Variants in CDH5 observed in about 807,000 individuals in gnomAD.
CDH5 encodes cadherin 5, also known as cadherin-5.
CDH5 carries 28 observed loss-of-function variants against 62.0 expected under a neutral mutation model. The observed-to-expected ratio is 0.45, with a 90% CI of 0.33 to 0.62. The LOEUF is 0.62. Ranked by LOEUF, CDH5 falls within the 20% of genes least tolerant of loss-of-function variation. The pLI is 0.02. For missense variants in CDH5, 940 were observed against 1,065.1 expected, an observed-to-expected ratio of 0.88 and a Z score of 1.63; for synonymous variants, 464 against 445.8, an observed-to-expected ratio of 1.04 and a Z score of -0.52.
Position 66,403,271 on chromosome 16 carries a change from C to G in CDH5, c.*102C>G, listed in dbSNP as rs1961331946. The G allele has an allele frequency of 5.8e-6, 6 of 1,038,960 alleles. No homozygotes were observed. In the South Asian group the frequency reaches 9.6e-5, roughly 17 times the overall value. The allele number at this position is 1,038,960 out of a possible 1,614,324, so 64.4% of individuals were successfully genotyped here. A position where few individuals can be genotyped will look rare whatever the true frequency, so the allele number is the denominator to read the frequency against. ...TCCAAAAATGGCAGTGACTCCCCAGCCCAGCACCCCTTCCTCGTGGGTCCC... is the reference window on the plus strand; with the variant it reads ...TCCAAAAATGGCAGTGACTCCCCAGGCCAGCACCCCTTCCTCGTGGGTCCC... On this transcript the variant is annotated 3_prime_UTR_variant, in exon 12 of 12. Coordinates refer to ENST00000341529, the MANE Select transcript of CDH5 (RefSeq NM_001795.5). This position sits in a 1 kb window ranked among gnomAD's most constrained non-coding sequence, Gnocchi z 4.3.
chr16:66,382,315 T>G (rs1245006918), intron 2 of CDH5, among the ~76,000 whole-genome samples: 1 of 152,100 alleles, frequency 6.6e-6, no homozygotes, highest in Non-Finnish European at 1.5e-5. Flanking sequence ...CTCCCAACAA[T>G]AACTGGGATC....
intron 1 of CDH5, chr16:66,376,727 T>A (rs1960794236): frequency 6.6e-6 from 1 of 152,280 alleles, no homozygotes; most frequent in Admixed American, 6.5e-5. Context: ...CCTCACAGGC[T>A]CAGCCAGCTG....
At chr16:66,379,275 C>T in intron 1 of CDH5, 44 bp from the exon 2 acceptor site, 2 of 1,428,924 alleles carry the variant, frequency 1.4e-6, no homozygotes, top group Non-Finnish European at 1.9e-6. Flanking sequence ...GTACTCCTTT[C>T]ATCGTCACTG....
chr16:66,373,210 A>G (rs983974779), intron 1 of CDH5, among the ~76,000 whole-genome samples: 6 of 151,876 alleles, frequency 4.0e-5, no homozygotes, highest in African/African-American at 1.5e-4. Context: ...GAGAGATGTG[A>G]CTCTTACCTG....
chr16:66,401,121 G>T lies in CDH5; in HGVS notation c.1837+105G>T, dbSNP rs150354557. The T allele has an allele frequency of 6.2e-3, 8,788 of 1,428,014 alleles. 40 individuals carry two copies. The highest frequency in any genetic ancestry group is 7.6e-3 in the Non-Finnish European group (7,868 of 1,034,242). 88.5% of individuals were successfully genotyped at this position (1,428,014 alleles called of 1,614,324 possible). ...GGAAAAGTAGAGGCCAGAGGTTCAG[G>T]CCCAACCCTGCCTCCAATCTGCAAT... On this transcript the variant is annotated intron_variant, in intron 11 of 11. Coordinates refer to ENST00000341529, the MANE Select transcript of CDH5 (RefSeq NM_001795.5).
rs199547402 is a variant in CDH5 at position 66,402,704 on chromosome 16, G to C, written c.1890G>C (p.Ala630=). ...GGCGGCTCCGGAAGCAGGCCCGCGCGCACGGCAAGAGCGTGCCGGAGATCC... is the reference window on the plus strand; with the variant it reads ...GGCGGCTCCGGAAGCAGGCCCGCGCCCACGGCAAGAGCGTGCCGGAGATCC... ...LRRRLRKQAR[A]HGKSVPEIHE... is the part of the protein sequence containing the mutation. The change falls in exon 12 of 12, where the codon GCG becomes GCC. Residue 630 remains alanine (A), a synonymous_variant. Coordinates refer to ENST00000341529, the MANE Select transcript of CDH5 (RefSeq NM_001795.5). 1.9e-6 allele frequency: 3 copies of C among 1,608,610 alleles called. No homozygotes were observed. The East Asian group carries it at 6.7e-5, about 36-fold the overall frequency.
chr16:66,397,889 G>A (rs1248923082), intron 8 of CDH5, 93 bp from the exon 9 acceptor site: 1 of 1,465,402 alleles, frequency 6.8e-7, no homozygotes, highest in Non-Finnish European at 9.5e-7. Context: ...GCAAAAAGTG[G>A]CCTCCATAGG....
Position 66,393,603 on chromosome 16 carries a change from G to T in CDH5, c.1217+1220G>T, listed in dbSNP as rs373989644. 7.2e-5 allele frequency among the ~76,000 whole-genome samples: 11 copies of T among 152,222 alleles called. No homozygotes were observed. The East Asian group carries it at 1.9e-3, about 27-fold the overall frequency. On this transcript the variant is annotated intron_variant, in intron 7 of 11. Transcript: ENST00000341529. ...CATGGTCTATCCACCTCCCACCAGG[G>T]CCCACCTCCAACACTGGGGATTACA...
At chr16:66,371,637 C>T (rs543372588) in intron 1 of CDH5, among the ~76,000 whole-genome samples, 1 of 152,154 alleles carries the variant, frequency 6.6e-6, no homozygotes, top group Non-Finnish European at 1.5e-5. Flanking sequence ...GGACCTGGAG[C>T]CTTCCTCTGC....
At chr16:66,378,859 A>G (rs1960831074) in intron 1 of CDH5, among the ~76,000 whole-genome samples, 1 of 152,254 alleles carries the variant, frequency 6.6e-6, no homozygotes, top group South Asian at 2.1e-4. Context: ...GTGAAGGATG[A>G]AGGAGTGAAC....
chr16:66,396,954 C>T (rs1961195828), intron 8 of CDH5, among the ~76,000 whole-genome samples: 1 of 152,198 alleles, frequency 6.6e-6, no homozygotes, highest in South Asian at 2.1e-4. Flanking sequence ...TCAGTCTTTG[C>T]TTCTTTCTCC....
Position 66,400,960 on chromosome 16 carries a change from T to A in CDH5, c.1781T>A (p.Val594Glu). The A allele has an allele frequency of 6.2e-7, 1 of 1,614,074 alleles. No homozygotes were observed. The highest frequency in any genetic ancestry group is 1.1e-5 in the South Asian group (1 of 91,086). Residue 594 changes from valine (V) to glutamate (E), a missense_variant, in exon 11 of 12, where the codon GTG becomes GAG. By Grantham distance (121) the Val-to-Glu change is moderately radical (BLOSUM62 -2). Transcript: ENST00000341529. ...FTFCEDMAAQ[V>E]GVSIQAVVAI... ...TTCTGCGAGGATATGGCCGCCCAGG[T>A]GGGCGTGAGCATCCAGGCAGTGGTA...
intron 9 of CDH5, 52 bp from the exon 10 acceptor site, chr16:66,398,404 A>G: frequency 2.2e-6 from 1 of 455,872 alleles, no homozygotes. Flanking sequence ...ACCTCAGACC[A>G]CCCCACCACC....
At chr16:66,371,197 C>T (rs1365970199) in intron 1 of CDH5, among the ~76,000 whole-genome samples, 2 of 152,170 alleles carry the variant, frequency 1.3e-5, no homozygotes, top group African/African-American at 4.8e-5. Context: ...CTCAAGTAGA[C>T]CATTTGAGAG....
At chr16:66,374,493 T>A (rs947131598) in intron 1 of CDH5, among the ~76,000 whole-genome samples, 1 of 152,186 alleles carries the variant, frequency 6.6e-6, no homozygotes, top group Non-Finnish European at 1.5e-5. Context: ...GGGACTTCTC[T>A]CCAGAGCTAG....
chr16:66,368,302 G>A (rs1960624003), intron 1 of CDH5, among the ~76,000 whole-genome samples: 1 of 152,158 alleles, frequency 6.6e-6, no homozygotes, highest in Non-Finnish European at 1.5e-5. Flanking sequence ...CTAGAGAGCA[G>A]CAGGTATCCA....
At chr16:66,368,470 T>G (rs1960627369) in intron 1 of CDH5, among the ~76,000 whole-genome samples, 1 of 152,106 alleles carries the variant, frequency 6.6e-6, no homozygotes, top group South Asian at 2.1e-4. Flanking sequence ...GGGCCGGACA[T>G]GAGGGCAGGA....
chr16:66,385,664 G>A (rs1000609365), intron 2 of CDH5, among the ~76,000 whole-genome samples: 1 of 152,146 alleles, frequency 6.6e-6, no homozygotes. Context: ...AGACAAGACA[G>A]GAGAAGATCC....
intron 1 of CDH5, chr16:66,376,741 C>T (rs1157112951): frequency 6.6e-6 from 1 of 152,344 alleles, no homozygotes; most frequent in African/African-American, 2.4e-5. Flanking sequence ...CCAGCTGCCC[C>T]CTCACTCTCT....
Sources: allele counts gnomAD v4.1 joint callset (sites outside exome capture counted in the v4.1 genomes callset), GRCh38; gene constraint gnomAD v4.1.1; non-coding constraint Gnocchi (gnomAD v3.1); transcripts MANE v1.5; gene names NCBI Gene and HGNC (gene_info 2026-07-23, HGNC 2026-07-21).